MTX3: variants seen among roughly 807,000 people sequenced by gnomAD.
The protein encoded by MTX3 is metaxin-3.
MTX3 carries 27 observed loss-of-function variants against 42.5 expected under a neutral mutation model. The observed-to-expected ratio is 0.64, with a 90% CI of 0.47 to 0.88. MTX3 has a LOEUF of 0.88. MTX3 is among the 40% of genes least tolerant of loss of function. The probability of loss-of-function intolerance (pLI) is 0.00; values close to 1 mark genes in which losing one functional copy is unlikely to be tolerated. For missense variants in MTX3, 378 were observed against 367.0 expected (o/e 1.03, Z -0.25); for synonymous variants, 144 against 132.9 (o/e 1.08, Z -0.57).
chr5:79,984,215 T>C (rs994654698), intron 8 of MTX3, among the ~76,000 whole-genome samples: 1 of 152,168 alleles, frequency 6.6e-6, no homozygotes, highest in Non-Finnish European at 1.5e-5. Context: ...ACCTTCTCTG[T>C]TGTACAGATG....
rs1312030679 is a variant in MTX3, at chr5:79,983,269, A to G, written c.*415T>C. ...TAAAAAGCCTCAGCCAAAAAGCCAC[A>G]TATTAGGTATTCAGCCTGGTCTAAG... On this transcript the variant is annotated 3_prime_UTR_variant, in exon 9 of 9. Transcript: ENST00000512528. The G allele has an allele frequency of 6.4e-6, 1 of 157,270 alleles. No individual in the cohort carries two copies. The highest frequency in any genetic ancestry group is 1.4e-5 in the Non-Finnish European group (1 of 71,256). 9.7% of individuals were successfully genotyped at this position (157,270 alleles called of 1,614,324 possible).
chr5:79,987,184 A>G (rs1831514926), intron 6 of MTX3, 77 bp from the exon 7 acceptor site: 2 of 1,356,652 alleles, frequency 1.5e-6, no homozygotes, highest in African/African-American at 2.9e-5. Context: ...TCATGCCTGT[A>G]ATCCCAGTAC....
Position 79,980,514 on chromosome 5 carries a change from T to C in MTX3, c.*3170A>G, listed in dbSNP as rs961522827. 5 of 152,110 alleles carry C rather than the reference T, an allele frequency of 3.3e-5. No individual in the cohort carries two copies. The highest frequency in any genetic ancestry group is 7.3e-5 in the Non-Finnish European group (5 of 68,034). 9.4% of individuals were successfully genotyped at this position (152,110 alleles called of 1,614,324 possible). A position where few individuals can be genotyped will look rare whatever the true frequency, so the allele number is the denominator to read the frequency against. Reference sequence around the variant, plus strand: ...CACCTTGTGTGGTCAAAACACAGTTTTGAAGGAATGACCACCTTCAATGTT... The same window carrying C: ...CACCTTGTGTGGTCAAAACACAGTTCTGAAGGAATGACCACCTTCAATGTT... On this transcript the variant is annotated 3_prime_UTR_variant, in exon 9 of 9. Transcript: ENST00000512528.
In MTX3 at chr5:79,987,022, G is replaced by C. The variant is rs1360332181; in HGVS notation, c.667C>G (p.Leu223Val). Residue 223 changes from leucine to valine, a missense_variant, in exon 7 of 9, where the codon CTG becomes GTG. By Grantham distance (32) the Leu-to-Val change is conservative. Coordinates refer to ENST00000512528, the MANE Select transcript of MTX3 (RefSeq NM_001363818.2). The part of the protein sequence containing the change: ...RFPKVQLQEH[L>V]KQLSNLCRFC... ...CGACAGAGGTTGGAGAGCTGTTTCA[G>C]ATGTTCTTGTAGCTGAACTTTAGGA... 2 of 1,613,990 alleles carry C rather than the reference G, an allele frequency of 1.2e-6. No individual in the cohort carries two copies. Among genetic ancestry groups the C allele is most frequent in the Non-Finnish European group, 1.7e-6 (2 of 1,179,870 alleles).
In MTX3 at chr5:79,983,676, G is replaced by T; in HGVS notation, c.*8C>A. On this transcript the variant is annotated 3_prime_UTR_variant, in exon 9 of 9. Coordinates refer to ENST00000512528, the MANE Select transcript of MTX3 (RefSeq NM_001363818.2). ...TCGTTTGACTTTGGCCACAAACCAT[G>T]ACTACTCTCAGGGCGAAAGCCGTTG... 6.3e-6 allele frequency: 10 copies of T among 1,597,794 alleles called. No homozygotes were observed. Among genetic ancestry groups the T allele is most frequent in the Non-Finnish European group, 7.7e-6 (9 of 1,165,114 alleles).
At position 79,982,747 on chromosome 5, in the gene MTX3, A is replaced by G. The variant is rs573663446; in HGVS notation, c.*937T>C. On this transcript the variant is annotated 3_prime_UTR_variant, in exon 9 of 9. Transcript: ENST00000512528. Reference sequence around the variant, plus strand: ...TTATGAAAGAATATGCATCTTATGAAAGAATATGAGCCAAGCATAGAAAAC... The same window carrying G: ...TTATGAAAGAATATGCATCTTATGAGAGAATATGAGCCAAGCATAGAAAAC... The G allele has an allele frequency of 7.9e-5, 17 of 216,324 alleles. No homozygotes were observed. The highest frequency in any genetic ancestry group is 1.4e-4 in the Non-Finnish European group (15 of 106,270). 13.4% of individuals were successfully genotyped at this position (216,324 alleles called of 1,614,324 possible).
chr5:79,987,486 C>T (rs1049532304), intron 6 of MTX3, among the ~76,000 whole-genome samples: 1 of 147,706 alleles, frequency 6.8e-6, no homozygotes, highest in South Asian at 2.2e-4. Flanking sequence ...TTTTTAAGCA[C>T]ATAAGAAAAT....
rs181021791 is a variant in MTX3, at chr5:79,986,768, T to A, written c.739+182A>T. ...TAAAAGGCAAATATCTATTTATCTA[T>A]TTAAATAAGAACTAACATGAGAATA... On this transcript the variant is annotated intron_variant, in intron 7 of 8. Coordinates refer to ENST00000512528, the MANE Select transcript of MTX3 (RefSeq NM_001363818.2). The A allele has an allele frequency of 1.3e-4, 81 of 608,644 alleles. 1 individual carries two copies. The East Asian group carries it at 1.8e-3, about 13-fold the overall frequency. The allele number at this position is 608,644 out of a possible 1,614,324, so 37.7% of individuals were successfully genotyped here.
rs1831367681 is a variant in MTX3, at chr5:79,981,306, T to C, written c.*2378A>G. ...AATAGCTCAACTAAGTAACCCAACA[T>C]ATAAACTCTCACTAAACTCACATGT... On this transcript the variant is annotated 3_prime_UTR_variant, in exon 9 of 9. Coordinates refer to ENST00000512528, the MANE Select transcript of MTX3 (RefSeq NM_001363818.2). 1 of 152,206 alleles carries C rather than the reference T, an allele frequency of 6.6e-6. No homozygotes were observed. The highest frequency in any genetic ancestry group is 1.5e-5 in the Non-Finnish European group (1 of 68,038). 9.4% of individuals were successfully genotyped at this position (152,206 alleles called of 1,614,324 possible). A position where few individuals can be genotyped will look rare whatever the true frequency, so the allele number is the denominator to read the frequency against.
chr5:79,985,924 GT>G (rs59185045), intron 7 of MTX3, among the ~76,000 whole-genome samples: 38 of 98,286 alleles, frequency 3.9e-4, no homozygotes, highest in South Asian at 7.2e-4. Flanking sequence ...ACAATAATTA[GT>G]TTTTTTTTTT....
rs1831657504 is a variant in MTX3 at position 79,991,200 on chromosome 5, G to C, written c.39C>G (p.Gly13=). 1 of 1,486,650 alleles carries C rather than the reference G, an allele frequency of 6.7e-7. No homozygotes were observed. The highest frequency in any genetic ancestry group is 9.0e-7 in the Non-Finnish European group (1 of 1,112,108). 92.1% of individuals were successfully genotyped at this position (1,486,650 alleles called of 1,614,324 possible). ...APLELSCWGG[G]WGLPSVHSES... ...CGCTGTGAACCGATGGGAGTCCCCA[G>C]CCGCCTCCCCAGCAACTGAGTTCCA... is the stretch of plus-strand genomic sequence containing the variant. The change falls in exon 1 of 9, where the codon GGC becomes GGG. Residue 13 remains glycine (G), a synonymous_variant. Transcript: ENST00000512528.
chr5:79,987,046 G>GA lies in MTX3; in HGVS notation c.642dup (p.Pro215SerfsTer2), dbSNP rs1489290383. On this transcript the variant is annotated frameshift_variant, in exon 7 of 9. Transcript: ENST00000512528. LOFTEE classifies it high-confidence loss of function. ...AGATGTTCTTGTAGCTGAACTTTAGGAAACCGTACTTTGTAAAGAGGTGCA... is the reference window on the plus strand; with the variant it reads ...AGATGTTCTTGTAGCTGAACTTTAGGAAAACCGTACTTTGTAAAGAGGTGCA... The GA allele has an allele frequency of 1.2e-6, 2 of 1,613,968 alleles. No homozygotes were observed. Among genetic ancestry groups the GA allele is most frequent in the African/African-American group, 2.7e-5 (2 of 75,032 alleles).
intron 8 of MTX3, 50 bp from the exon 9 acceptor site, chr5:79,983,844 T>C (rs1355013252): frequency 3.2e-6 from 4 of 1,232,124 alleles, no homozygotes; most frequent in Non-Finnish European, 4.7e-6. Context: ...GCACCGCTTA[T>C]GTGGACTGTG....
rs892358348 is a variant in MTX3 at position 79,990,187 on chromosome 5, T to C, written c.201A>G (p.Ala67=). 6.2e-7 allele frequency: 1 copy of C among 1,610,248 alleles called. No individual in the cohort carries two copies. Among genetic ancestry groups the C allele is most frequent in the African/African-American group, 1.3e-5 (1 of 74,808 alleles). The change falls in exon 3 of 9, where the codon GCA becomes GCG. Residue 67 remains alanine (A), a synonymous_variant. Transcript: ENST00000512528. ...TTEDDMVSQP[A]KILNFLRKQK... ...GTTTTCTTAAAAAGTTTAGTATTTT[T>C]GCTGGCTGAGAAACCATGTCGTCTT...
At chr5:79,988,843 C>A (rs183916041) in intron 4 of MTX3, among the ~76,000 whole-genome samples, 199 bp from the exon 5 acceptor site, 2 of 152,238 alleles carry the variant, frequency 1.3e-5, no homozygotes, top group Admixed American at 1.3e-4. Flanking sequence ...ACACCCAGAA[C>A]AAGGCCTGAC....
Position 79,980,074 on chromosome 5 carries a change from A to T in MTX3, c.*3610T>A, listed in dbSNP as rs1028146830. ...TAGCTTCCTTTCTTTACATGTAAGC[A>T]TTTATATCTAGGTTTTAAAAGGGTT... On this transcript the variant is annotated 3_prime_UTR_variant, in exon 9 of 9. Transcript: ENST00000512528. The T allele has an allele frequency of 3.3e-5, 5 of 152,148 alleles. No homozygotes were observed. The highest frequency in any genetic ancestry group is 1.5e-5 in the Non-Finnish European group (1 of 68,020). 9.4% of individuals were successfully genotyped at this position (152,148 alleles called of 1,614,324 possible).
At position 79,988,335 on chromosome 5, in the gene MTX3, A is replaced by T; in HGVS notation, c.505-20T>A. 1 of 1,520,830 alleles carries T rather than the reference A, an allele frequency of 6.6e-7. No homozygotes were observed. The highest frequency in any genetic ancestry group is 8.9e-7 in the Non-Finnish European group (1 of 1,118,074). The allele number at this position is 1,520,830 out of a possible 1,614,324, so 94.2% of individuals were successfully genotyped here. A position where few individuals can be genotyped will look rare whatever the true frequency, so the allele number is the denominator to read the frequency against. ...GTATATCTAATAAGGATGAAATTAT[A>T]TCTCAAAAGTAGAAAAGATACTCTA... is the stretch of plus-strand genomic sequence containing the variant. On this transcript the variant is annotated intron_variant, in intron 5 of 8. Coordinates refer to ENST00000512528, the MANE Select transcript of MTX3 (RefSeq NM_001363818.2).
In MTX3 at chr5:79,978,139, A is replaced by T. The variant is rs1247327001; in HGVS notation, c.*5545T>A. The T allele has an allele frequency of 6.6e-6, 1 of 152,240 alleles. No homozygotes were observed. Among genetic ancestry groups the T allele is most frequent in the Non-Finnish European group, 1.5e-5 (1 of 68,070 alleles). The allele number at this position is 152,240 out of a possible 1,614,324, so 9.4% of individuals were successfully genotyped here. On this transcript the variant is annotated 3_prime_UTR_variant, in exon 9 of 9. Transcript: ENST00000512528. ...CTCTCTCAATGCCATGGTCCAAGGG[A>T]GTCTTGACCTGTCTCTTCCCATTTT... is the stretch of plus-strand genomic sequence containing the variant.
Position 79,990,233 on chromosome 5 carries a change from T to A in MTX3, c.155A>T (p.Asp52Val), listed in dbSNP as rs753953912. 1.9e-6 allele frequency: 3 copies of A among 1,604,136 alleles called. No individual in the cohort carries two copies. The Admixed American group carries it at 5.1e-5, about 27-fold the overall frequency. ...GTCTTCAGTTGTCAAAATTGGTACA[T>A]CGCCTATAATCAAAAAACAGTTTAC... ...IDNTWRGSRGDVPILTTEDDM... is the reference protein window; with the variant it reads ...IDNTWRGSRGVVPILTTEDDM... Residue 52 changes from aspartate to valine, a missense_variant, in exon 3 of 9, where the codon GAT becomes GTT. Physicochemically the swap from Asp to Val is radical, Grantham distance 152 (BLOSUM62 -3). Transcript: ENST00000512528.
Sources: gnomAD v4.1 joint callset for allele counts (sites outside exome capture counted in the v4.1 genomes callset) on GRCh38, gnomAD v4.1.1 for gene constraint, MANE v1.5 for transcripts, NCBI Gene and HGNC (gene_info 2026-07-23, HGNC 2026-07-21) for gene names.